The following ZFAND3 variants were observed in gnomAD, a reference collection of about 807,000 sequenced individuals.
ZFAND3 encodes zinc finger AN1-type containing 3.
A neutral mutation model predicts 29.6 loss-of-function variants in ZFAND3; 10 were observed. That is an observed-to-expected ratio of 0.34 (90% confidence interval 0.21 to 0.57). The LOEUF is 0.57. ZFAND3 is among the 20% of genes least tolerant of loss of function. The probability of loss-of-function intolerance (pLI) is 0.86; values close to 1 mark genes in which losing one functional copy is unlikely to be tolerated. For missense variants in ZFAND3, 230 were observed against 304.5 expected, an observed-to-expected ratio of 0.76 and a Z score of 1.82; for synonymous variants, 128 against 112.6, an observed-to-expected ratio of 1.14 and a Z score of -0.87.
chr6:37,931,641 T>A (rs1225624393), intron 2 of ZFAND3, among the ~76,000 whole-genome samples: 2 of 152,072 alleles, frequency 1.3e-5, no homozygotes, highest in African/African-American at 4.8e-5. Flanking sequence ...ACCAAATCAT[T>A]TGTTTTGAGA....
chr6:37,820,049 G>A (rs892702860), intron 1 of ZFAND3, 33 bp downstream of exon 1: 13 of 1,199,688 alleles, frequency 1.1e-5, no homozygotes, highest in African/African-American at 3.2e-5. Flanking sequence ...GCGGGGGGCG[G>A]GGGCCGGGGG....
rs553590161 is a variant in ZFAND3, at chr6:37,967,239, A to G, written c.112+37240A>G. On this transcript the variant is annotated intron_variant, in intron 2 of 5. Coordinates refer to ENST00000287218, the MANE Select transcript of ZFAND3 (RefSeq NM_021943.3). ...TATCTACTTATACTCATGGTTTCCT[A>G]TTTTATTCAGTGGATTATGATCTTC... is the stretch of plus-strand genomic sequence containing the variant. 3.9e-5 allele frequency among the ~76,000 whole-genome samples: 6 copies of G among 152,270 alleles called. No homozygotes were observed. In the East Asian group the frequency reaches 7.7e-4, roughly 20 times the overall value.
At chr6:37,886,732 C>A (rs764247324) in intron 1 of ZFAND3, among the ~76,000 whole-genome samples, 3 of 152,134 alleles carry the variant, frequency 2.0e-5, no homozygotes, top group Non-Finnish European at 2.9e-5. Flanking sequence ...TGGTGGTTCA[C>A]GCCTGTAATC....
intron 1 of ZFAND3, among the ~76,000 whole-genome samples, chr6:37,915,198 C>G (rs188657664): frequency 7.9e-5 from 12 of 152,290 alleles, no homozygotes; most frequent in Admixed American, 5.2e-4. Flanking sequence ...TCACTTCTCT[C>G]AGCCTTTATA....
At chr6:38,123,973 C>T (rs1365135017) in intron 5 of ZFAND3, among the ~76,000 whole-genome samples, 2 of 152,216 alleles carry the variant, frequency 1.3e-5, no homozygotes, top group African/African-American at 2.4e-5. Context: ...ACTACTGACA[C>T]AGGCAGCCTG....
chr6:37,948,929 G>A (rs1490182586), intron 2 of ZFAND3, among the ~76,000 whole-genome samples: 1 of 152,120 alleles, frequency 6.6e-6, no homozygotes, highest in African/African-American at 2.4e-5. Context: ...ATGTGCATGT[G>A]TCTTTATAAT....
Position 38,153,375 on chromosome 6 carries a change from G to T in ZFAND3, c.*986G>T. On this transcript the variant is annotated 3_prime_UTR_variant, in exon 6 of 6. Transcript: ENST00000287218. ...CTGCCCCTTCCAGCTGGAGCCGCCC[G>T]TGCCTCCAGGGGCCAAGAGGATGAT... 1.0e-6 allele frequency: 1 copy of T among 985,518 alleles called. No homozygotes were observed. The allele number at this position is 985,518 out of a possible 1,614,324, so 61.0% of individuals were successfully genotyped here.
At chr6:38,119,383 G>A (rs1465713109) in intron 5 of ZFAND3, among the ~76,000 whole-genome samples, 1 of 152,158 alleles carries the variant, frequency 6.6e-6, no homozygotes, top group Non-Finnish European at 1.5e-5. Context: ...AAGGTAGTTT[G>A]AGCTCAAACA....
intron 1 of ZFAND3, among the ~76,000 whole-genome samples, chr6:37,874,811 G>A (rs1442971955): frequency 6.6e-6 from 1 of 152,128 alleles, no homozygotes; most frequent in Non-Finnish European, 1.5e-5. Flanking sequence ...CTGGACTCAA[G>A]CAGTCCTCTC....
At position 37,936,797 on chromosome 6, in the gene ZFAND3, A is replaced by G. The variant is rs148071253; in HGVS notation, c.112+6798A>G. On this transcript the variant is annotated intron_variant, in intron 2 of 5. Coordinates refer to ENST00000287218, the MANE Select transcript of ZFAND3 (RefSeq NM_021943.3). ...AAAGTGAAGTGAATTTATACAATCT[A>G]GAAGTGGTTTGTTTCTTTCTGGAAT... Among the ~76,000 whole-genome samples the G allele has an allele frequency of 5.4e-3, 823 of 152,340 alleles. 10 individuals are homozygous for G. Among genetic ancestry groups the G allele is most frequent in the Non-Finnish European group, 5.2e-3 (356 of 68,022 alleles).
intron 1 of ZFAND3, among the ~76,000 whole-genome samples, chr6:37,846,724 T>G (rs562067618): frequency 1.3e-3 from 203 of 151,920 alleles, no homozygotes; most frequent in Non-Finnish European, 2.2e-3. Flanking sequence ...TTTTGTTTTT[T>G]TTTTTGGAAT....
chr6:37,908,819 C>T (rs1765465748), intron 1 of ZFAND3, among the ~76,000 whole-genome samples: 1 of 150,522 alleles, frequency 6.6e-6, no homozygotes, highest in African/African-American at 2.4e-5. Flanking sequence ...GAATGACTTT[C>T]TCTTTGTATT....
At chr6:37,865,270 C>G (rs1207196845) in intron 1 of ZFAND3, among the ~76,000 whole-genome samples, 1 of 152,172 alleles carries the variant, frequency 6.6e-6, no homozygotes, top group East Asian at 1.9e-4. Flanking sequence ...CTTATAATAC[C>G]TCATACAATG....
chr6:37,917,974 T>C (rs1202458513), intron 1 of ZFAND3, among the ~76,000 whole-genome samples: 1 of 152,236 alleles, frequency 6.6e-6, no homozygotes, highest in Non-Finnish European at 1.5e-5. Context: ...TAGATATTGC[T>C]TTCTCCTCCT....
chr6:37,982,466 A>G (rs1762596405), intron 2 of ZFAND3, among the ~76,000 whole-genome samples: 2 of 152,216 alleles, frequency 1.3e-5, no homozygotes, highest in South Asian at 4.1e-4. Context: ...CAATGTTTGC[A>G]TCAAGGGCAG....
intron 1 of ZFAND3, among the ~76,000 whole-genome samples, chr6:37,846,872 T>A (rs994880416): frequency 6.6e-6 from 1 of 152,012 alleles, no homozygotes; most frequent in Non-Finnish European, 1.5e-5. Context: ...CCACCATGCC[T>A]GGCTAATTTT....
At chr6:38,031,789 T>C (rs1763565136) in intron 2 of ZFAND3, among the ~76,000 whole-genome samples, 1 of 152,174 alleles carries the variant, frequency 6.6e-6, no homozygotes, top group Non-Finnish European at 1.5e-5. Flanking sequence ...ATCTCCTTTG[T>C]TATGCATATG....
chr6:37,938,672 A>G (rs1453522526), intron 2 of ZFAND3, among the ~76,000 whole-genome samples: 1 of 152,198 alleles, frequency 6.6e-6, no homozygotes, highest in Non-Finnish European at 1.5e-5. Flanking sequence ...CTCTTAGTCT[A>G]TAGCAGTTTG....
chr6:38,101,539 C>T (rs1418900009), intron 4 of ZFAND3, among the ~76,000 whole-genome samples: 7 of 151,968 alleles, frequency 4.6e-5, no homozygotes, highest in Non-Finnish European at 5.9e-5. Context: ...GACTAAATTT[C>T]GAGGCGGGCA....
Sources: gnomAD v4.1 joint callset for allele counts (sites outside exome capture counted in the v4.1 genomes callset) on GRCh38, gnomAD v4.1.1 for gene constraint, MANE v1.5 for transcripts, NCBI Gene and HGNC (gene_info 2026-07-23, HGNC 2026-07-21) for gene names.